ZBTB17: variants seen among roughly 807,000 people sequenced by gnomAD.
ZBTB17 encodes the protein zinc finger and BTB domain-containing protein 17.
A neutral mutation model predicts 85.1 loss-of-function variants in ZBTB17; 24 were observed. The ratio of observed to expected loss-of-function variants is 0.28; its 90% CI spans 0.20 to 0.40. The LOEUF (loss-of-function observed/expected upper bound fraction) is 0.40. ZBTB17 is among the 10% of genes least tolerant of loss of function. The probability of loss-of-function intolerance (pLI) is 1.00; values close to 1 mark genes in which losing one functional copy is unlikely to be tolerated. For synonymous variants in ZBTB17, 464 were observed against 460.2 expected (o/e 1.01, Z -0.11); for missense variants, 743 against 1,105.1 (o/e 0.67, Z 4.65).
chr1:15,963,109 A>T (rs1427564792), intron 2 of ZBTB17, among the ~76,000 whole-genome samples: 2 of 152,192 alleles, frequency 1.3e-5, no homozygotes, highest in Non-Finnish European at 2.9e-5. Context: ...AAGAATATAT[A>T]AATTAATTAA....
At chr1:15,957,876 G>A (rs754480597) in intron 2 of ZBTB17, among the ~76,000 whole-genome samples, 8 of 152,206 alleles carry the variant, frequency 5.3e-5, no homozygotes, top group African/African-American at 1.9e-4. Context: ...CTTCCTGAGA[G>A]GAGGAGGAGT....
Position 15,966,342 on chromosome 1 carries a change from G to A in ZBTB17, c.-3+6697C>T, listed in dbSNP as rs1330230986. ...TAGGAAGTGGTGCGGCTGGGGTGGGGAGAACAGATTCTACTGCCAGACCTT... is the reference window on the plus strand; with the variant it reads ...TAGGAAGTGGTGCGGCTGGGGTGGGAAGAACAGATTCTACTGCCAGACCTT... On this transcript the variant is annotated intron_variant, in intron 2 of 15. Transcript: ENST00000375743. The surrounding 1 kb of genome is among the most constrained non-coding windows in gnomAD (Gnocchi z 4.1). 6.6e-6 allele frequency among the ~76,000 whole-genome samples: 1 copy of A among 152,128 alleles called. No homozygotes were observed. Among genetic ancestry groups the A allele is most frequent in the Non-Finnish European group, 1.5e-5 (1 of 68,014 alleles).
rs2072384557 is a variant in ZBTB17 at position 15,964,878 on chromosome 1, G to A, written c.-3+8161C>T. Among the ~76,000 whole-genome samples the A allele has an allele frequency of 6.6e-6, 1 of 152,156 alleles. No homozygotes were observed. Among genetic ancestry groups the A allele is most frequent in the South Asian group, 2.1e-4 (1 of 4,832 alleles). ...CGCCTATAATCCCAGCACTTTGGGA[G>A]GCCGAGATGGGTGGATCATGAGGTC... On this transcript the variant is annotated intron_variant, in intron 2 of 15. Coordinates refer to ENST00000375743, the MANE Select transcript of ZBTB17 (RefSeq NM_003443.3). This position sits in a 1 kb window ranked among gnomAD's most constrained non-coding sequence, Gnocchi z 4.3.
At chr1:15,945,272 A>C (rs2071550475) in intron 6 of ZBTB17, 70 bp from the exon 7 acceptor site, 1 of 1,521,558 alleles carries the variant, frequency 6.6e-7, no homozygotes, top group Non-Finnish European at 8.8e-7. Flanking sequence ...GGCGCCGGCA[A>C]CATGTGGAAG....
rs1215791873 is a variant in ZBTB17, at chr1:15,952,709, AGACACATGGAGGGGCTCTGGGGAGAG to A, written c.-2-4238_-2-4213del. On this transcript the variant is annotated intron_variant, in intron 2 of 15. Coordinates refer to ENST00000375743, the MANE Select transcript of ZBTB17 (RefSeq NM_003443.3). The surrounding 1 kb of genome is among the most constrained non-coding windows in gnomAD (Gnocchi z 4.3). ...AAGTCCAAGCTCCCGTGTGAGTGGG[AGACACATGGAGGGGCTCTGGGGAGAG>A]GGCACATGGAGAAGAGCAGAGAGGC... is the stretch of plus-strand genomic sequence containing the variant. Among the ~76,000 whole-genome samples, 2 of 152,212 alleles carry A rather than the reference AGACACATGGAGGGGCTCTGGGGAGAG, an allele frequency of 1.3e-5. No homozygotes were observed. The highest frequency in any genetic ancestry group is 4.8e-5 in the African/African-American group (2 of 41,448).
chr1:15,954,109 G>A (rs1332696408), intron 2 of ZBTB17, among the ~76,000 whole-genome samples: 1 of 152,192 alleles, frequency 6.6e-6, no homozygotes, highest in Non-Finnish European at 1.5e-5. Flanking sequence ...TGAGTGGAGA[G>A]ACATCTAGAG....
At chr1:15,971,560 A>G (rs1303438265) in intron 2 of ZBTB17, among the ~76,000 whole-genome samples, 1 of 146,504 alleles carries the variant, frequency 6.8e-6, no homozygotes, top group Non-Finnish European at 1.5e-5. Flanking sequence ...CTATATATAT[A>G]CACACACACT....
chr1:15,945,586 C>G (rs987062319), intron 6 of ZBTB17, 129 bp downstream of exon 6: 1 of 1,357,136 alleles, frequency 7.4e-7, no homozygotes, highest in Non-Finnish European at 1.0e-6. Flanking sequence ...TGTCCCAAAG[C>G]TGAAGTGCAT....
At chr1:15,974,332 T>TC (rs1412954682) in intron 1 of ZBTB17, among the ~76,000 whole-genome samples, 16 of 149,582 alleles carry the variant, frequency 1.1e-4, no homozygotes, top group African/African-American at 3.7e-4. Flanking sequence ...ATTTTTTTTT[T>TC]CCTTTTTTTT....
chr1:15,942,473 T>C, intron 14 of ZBTB17, 53 bp from the exon 15 acceptor site: 1 of 1,610,886 alleles, frequency 6.2e-7, no homozygotes, highest in Non-Finnish European at 8.5e-7. Flanking sequence ...TGCCCCATCA[T>C]CGCCACCCTG....
chr1:15,944,628 A>G (rs772907678), intron 8 of ZBTB17, 28 bp from the exon 9 acceptor site: 2 of 1,600,274 alleles, frequency 1.2e-6, no homozygotes, highest in African/African-American at 2.7e-5. Flanking sequence ...GACAGGAGGC[A>G]GGGCTCGCTG....
intron 2 of ZBTB17, among the ~76,000 whole-genome samples, chr1:15,967,385 AG>A (rs1478073662): frequency 6.6e-6 from 1 of 150,780 alleles, no homozygotes; most frequent in East Asian, 2.0e-4. Flanking sequence ...AAAAAAAAAA[AG>A]TGTTATATGA....
intron 13 of ZBTB17, 124 bp from the exon 14 acceptor site, chr1:15,942,862 T>G (rs1444894319): frequency 3.7e-6 from 5 of 1,359,296 alleles, no homozygotes; most frequent in African/African-American, 1.4e-5. Context: ...CTGGGGTGGC[T>G]GCACGGGTGC....
At chr1:15,963,254 C>G (rs942581561) in intron 2 of ZBTB17, among the ~76,000 whole-genome samples, 1 of 152,152 alleles carries the variant, frequency 6.6e-6, no homozygotes, top group African/African-American at 2.4e-5. Context: ...CTGGCCAATT[C>G]TCCCACCGCA....
At chr1:15,971,809 C>A (rs2072698353) in intron 2 of ZBTB17, among the ~76,000 whole-genome samples, 1 of 151,698 alleles carries the variant, frequency 6.6e-6, no homozygotes, top group African/African-American at 2.4e-5. Context: ...TGAGGCTCAG[C>A]AATGAAACTG....
chr1:15,945,036 C>G lies in ZBTB17; in HGVS notation c.828G>C (p.Ser276=). ...NENEESAGTD[S]GQELGSEARG... Reference sequence around the variant, plus strand: ...GGGCCTCGGAGCCGAGCTCCTGCCCCGAGTCTGTGCCCGCTGACTCCTCAT... The same window carrying G: ...GGGCCTCGGAGCCGAGCTCCTGCCCGGAGTCTGTGCCCGCTGACTCCTCAT... Residue 276 remains serine, a synonymous_variant, in exon 7 of 16, where the codon TCG becomes TCC. Transcript: ENST00000375743. The G allele has an allele frequency of 6.2e-7, 1 of 1,608,438 alleles. No individual in the cohort carries two copies. The highest frequency in any genetic ancestry group is 8.5e-7 in the Non-Finnish European group (1 of 1,178,306).
chr1:15,947,360 C>G (rs1570121918), intron 3 of ZBTB17: 1 of 533,228 alleles, frequency 1.9e-6, no homozygotes, highest in Non-Finnish European at 3.4e-6. Context: ...GCACAGAGAA[C>G]AAAAGGTGTG....
intron 2 of ZBTB17, among the ~76,000 whole-genome samples, chr1:15,962,160 T>C (rs911332629): frequency 5.9e-5 from 9 of 152,128 alleles, no homozygotes; most frequent in Non-Finnish European, 1.0e-4. Context: ...TGAGCTGAGA[T>C]TGTGGCACTG....
intron 2 of ZBTB17, among the ~76,000 whole-genome samples, chr1:15,958,137 G>A (rs183725040): frequency 2.0e-5 from 3 of 152,310 alleles, no homozygotes; most frequent in Admixed American, 1.3e-4. Context: ...CCATAAATAC[G>A]AGTGTGCAAT....
Sources: allele counts gnomAD v4.1 joint callset (sites outside exome capture counted in the v4.1 genomes callset), GRCh38; gene constraint gnomAD v4.1.1; non-coding constraint Gnocchi (gnomAD v3.1); transcripts MANE v1.5; gene names NCBI Gene and HGNC (gene_info 2026-07-23, HGNC 2026-07-21).